The following PTPRT variants were observed in gnomAD, a reference collection of about 807,000 sequenced individuals.
PTPRT encodes the protein receptor-type tyrosine-protein phosphatase T.
PTPRT carries 56 observed loss-of-function variants against 176.8 expected under a neutral mutation model. That is an observed-to-expected ratio of 0.32 (90% CI 0.26 to 0.40). The LOEUF (loss-of-function observed/expected upper bound fraction) is 0.40, where lower values mean the gene tolerates loss of function less well. PTPRT is among the 10% of genes least tolerant of loss of function. The pLI, the probability that PTPRT is intolerant of heterozygous loss-of-function variation, is 1.00. For synonymous variants in PTPRT, 783 were observed against 739.0 expected, an observed-to-expected ratio of 1.06 and a Z score of -0.96; for missense variants, 1,540 against 1,908.2, an observed-to-expected ratio of 0.81 and a Z score of 3.60.
chr20:42,911,730 T>G (rs952619321), intron 1 of PTPRT, among the ~76,000 whole-genome samples: 12 of 152,162 alleles, frequency 7.9e-5, no homozygotes, highest in African/African-American at 2.7e-4. Flanking sequence ...ACCGCATTTT[T>G]CCAGGAGTTG....
intron 3 of PTPRT, among the ~76,000 whole-genome samples, chr20:42,781,470 C>G (rs962243783): frequency 6.6e-6 from 1 of 152,146 alleles, no homozygotes; most frequent in Non-Finnish European, 1.5e-5. Context: ...GGAACATCAG[C>G]GCTCTTGACC....
intron 2 of PTPRT, among the ~76,000 whole-genome samples, chr20:42,832,793 G>T: frequency 8.1e-6 from 1 of 123,132 alleles, no homozygotes; most frequent in East Asian, 2.4e-4. Flanking sequence ...CCAACTAATA[G>T]GATTTGTTAA....
intron 15 of PTPRT, among the ~76,000 whole-genome samples, chr20:42,221,031 ACT>A (rs1568683842): frequency 6.6e-6 from 1 of 152,044 alleles, no homozygotes; most frequent in Admixed American, 6.6e-5. Context: ...ATGGAGTCTC[ACT>A]CTGTCTCCCA....
chr20:42,204,489 AAG>A, intron 15 of PTPRT, among the ~76,000 whole-genome samples: 1 of 152,326 alleles, frequency 6.6e-6, no homozygotes, highest in South Asian at 2.1e-4. Context: ...AGCTGATAAA[AAG>A]AGAGTATGCA....
At chr20:42,727,316 A>C (rs1195859655) in intron 6 of PTPRT, among the ~76,000 whole-genome samples, 1 of 152,216 alleles carries the variant, frequency 6.6e-6, no homozygotes, top group African/African-American at 2.4e-5. Context: ...AAGCTTCTTC[A>C]GTTGTAAAAT....
rs545535809 is a variant in PTPRT, at chr20:42,197,311, G to A, written c.2491+1929C>T. On this transcript the variant is annotated intron_variant, in intron 16 of 30. Coordinates refer to ENST00000373187, the MANE Select transcript of PTPRT (RefSeq NM_007050.6). ...GGAGAATGGGGTGAACCCAGGAGGCGGAGCTTGCAGTGAGCAGAGATCGCA... is the reference window on the plus strand; with the variant it reads ...GGAGAATGGGGTGAACCCAGGAGGCAGAGCTTGCAGTGAGCAGAGATCGCA... 1.4e-3 allele frequency among the ~76,000 whole-genome samples: 202 copies of A among 146,556 alleles called. 1 individual carries two copies. In the Middle Eastern group the frequency reaches 0.022, roughly 16 times the overall value.
chr20:43,087,189 A>C (rs1763487555), intron 1 of PTPRT, among the ~76,000 whole-genome samples: 2 of 152,114 alleles, frequency 1.3e-5, no homozygotes, highest in African/African-American at 2.4e-5. Context: ...TGTCACAGAA[A>C]TGGAATCATA....
At chr20:43,112,539 A>G (rs2012906657) in intron 1 of PTPRT, among the ~76,000 whole-genome samples, 1 of 152,240 alleles carries the variant, frequency 6.6e-6, no homozygotes, top group Admixed American at 6.5e-5. Flanking sequence ...ATGTGGAAAG[A>G]AAGGATGGAG....
At chr20:42,368,032 G>A (rs774950064) in intron 9 of PTPRT, among the ~76,000 whole-genome samples, 7 of 152,098 alleles carry the variant, frequency 4.6e-5, no homozygotes, top group Non-Finnish European at 1.0e-4. Context: ...TGGGTGCTGC[G>A]GACCTGAGAG....
At chr20:43,173,809 G>A (rs1320727020) in intron 1 of PTPRT, among the ~76,000 whole-genome samples, 1 of 152,184 alleles carries the variant, frequency 6.6e-6, no homozygotes. Flanking sequence ...CACTTGTTGG[G>A]GAGATGGAGC....
At chr20:42,676,956 G>C (rs969885875) in intron 7 of PTPRT, among the ~76,000 whole-genome samples, 9 of 152,078 alleles carry the variant, frequency 5.9e-5, no homozygotes, top group Non-Finnish European at 1.0e-4. Context: ...CACAATCTCA[G>C]CCAGCAAACT....
chr20:42,750,062 G>T (rs540717424), intron 6 of PTPRT, among the ~76,000 whole-genome samples: 1 of 152,240 alleles, frequency 6.6e-6, no homozygotes, highest in South Asian at 2.1e-4. Context: ...TGTAAGTAAA[G>T]CACTTTCGCA....
chr20:42,818,037 G>T (rs909177360), intron 2 of PTPRT, among the ~76,000 whole-genome samples: 1 of 152,076 alleles, frequency 6.6e-6, no homozygotes, highest in Non-Finnish European at 1.5e-5. Flanking sequence ...TCATTAAATG[G>T]GTCCTGATCC....
chr20:42,837,227 T>A (rs1479021812), intron 2 of PTPRT, among the ~76,000 whole-genome samples: 3 of 152,200 alleles, frequency 2.0e-5, no homozygotes, highest in Non-Finnish European at 4.4e-5. Context: ...CAGAGGCCCA[T>A]CCGGAGGACC....
At chr20:42,526,907 G>A (rs570350251) in intron 7 of PTPRT, among the ~76,000 whole-genome samples, 1 of 146,420 alleles carries the variant, frequency 6.8e-6, no homozygotes, top group Admixed American at 6.8e-5. Context: ...ATAGGATTAA[G>A]TCTCTTCTAC....
In PTPRT at chr20:42,084,720, C is replaced by T. The variant is rs1201610851; in HGVS notation, c.4098G>A (p.Gln1366=). 6.4e-7 allele frequency: 1 copy of T among 1,563,354 alleles called. No individual in the cohort carries two copies. The highest frequency in any genetic ancestry group is 8.7e-7 in the Non-Finnish European group (1 of 1,151,074). ...VVRRLEKWQE[Q]YDGREGRTVV... ...CAGTACGTCCCTCCCTCCCGTCATACTGCTCCTGCCACTTCTCCAGTCGTC... is the reference window on the plus strand; with the variant it reads ...CAGTACGTCCCTCCCTCCCGTCATATTGCTCCTGCCACTTCTCCAGTCGTC... Residue 1366 remains glutamine, a synonymous_variant, in exon 29 of 31, where the codon CAG becomes CAA. Coordinates refer to ENST00000373187, the MANE Select transcript of PTPRT (RefSeq NM_007050.6).
intron 1 of PTPRT, among the ~76,000 whole-genome samples, chr20:43,082,299 T>TTTTTC (rs11473023): frequency 0.62 from 93,899 of 151,418 alleles, 29,732 homozygotes; most frequent in East Asian, 0.82. Context: ...TTACTATGCT[T>TTTTTC]TTTTTATTTT....
intron 1 of PTPRT, among the ~76,000 whole-genome samples, chr20:43,109,155 G>A (rs2012752693): frequency 6.6e-6 from 1 of 152,136 alleles, no homozygotes; most frequent in African/African-American, 2.4e-5. Context: ...TAGGCGGCAA[G>A]TGCTATAATG....
intron 7 of PTPRT, among the ~76,000 whole-genome samples, chr20:42,645,319 G>A (rs1334229239): frequency 6.6e-6 from 1 of 152,146 alleles, no homozygotes; most frequent in Non-Finnish European, 1.5e-5. Context: ...CTCCATGAGC[G>A]ACCCTCATCC....
Sources: allele counts gnomAD v4.1 joint callset (sites outside exome capture counted in the v4.1 genomes callset), GRCh38; gene constraint gnomAD v4.1.1; transcripts MANE v1.5; gene names NCBI Gene and HGNC (gene_info 2026-07-23, HGNC 2026-07-21).